Variants in DTWD1 observed in about 807,000 individuals in gnomAD.
DTWD1 encodes the protein DTW motif tRNA-uridine aminocarboxypropyltransferase 1.
In DTWD1, 27 loss-of-function variants were observed where a neutral mutation model predicts 30.2. That is an observed-to-expected ratio of 0.90 (90% CI 0.66 to 1.23). The LOEUF (loss-of-function observed/expected upper bound fraction) is 1.23. Among genes scored for constraint, DTWD1 ranks in the 50% most tolerant of loss-of-function variants. DTWD1 has a pLI of 0.00. For missense variants in DTWD1, 342 were observed against 348.8 expected, an observed-to-expected ratio of 0.98 and a Z score of 0.15; for synonymous variants, 99 against 113.1, an observed-to-expected ratio of 0.88 and a Z score of 0.79.
chr15:49,651,589 CT>C lies in DTWD1; in HGVS notation c.*8012del, dbSNP rs1401272207. ...AAGCAACACAGACAATACTGCACCC[CT>C]GATATAATACCATTCTTCAATATCA... On this transcript the variant is annotated 3_prime_UTR_variant, in exon 5 of 5. Transcript: ENST00000403028. 1.3e-5 allele frequency: 2 copies of C among 152,126 alleles called. No individual in the cohort carries two copies. Among genetic ancestry groups the C allele is most frequent in the Non-Finnish European group, 2.9e-5 (2 of 68,030 alleles). 9.4% of individuals were successfully genotyped at this position (152,126 alleles called of 1,614,324 possible). A position where few individuals can be genotyped will look rare whatever the true frequency, so the allele number is the denominator to read the frequency against.
rs576928029 is a variant in DTWD1, at chr15:49,642,361, G to T, written c.668-970G>T. Among the ~76,000 whole-genome samples the T allele has an allele frequency of 7.2e-5, 11 of 152,274 alleles. No homozygotes were observed. In the East Asian group the frequency reaches 2.1e-3, roughly 29 times the overall value. ...TGAAGACAGCTGAGTTATAACAAAT[G>T]AGAGTACTGTTGTGTGACTGCATTA... On this transcript the variant is annotated intron_variant, in intron 4 of 4. Coordinates refer to ENST00000403028, the MANE Select transcript of DTWD1 (RefSeq NM_001144955.2).
chr15:49,628,754 A>AT (rs879675932), intron 2 of DTWD1, among the ~76,000 whole-genome samples: 241 of 147,554 alleles, frequency 1.6e-3, no homozygotes, highest in African/African-American at 3.4e-3. Flanking sequence ...GGTCAACACT[A>AT]TTTTTTTTTT....
rs2079157252 is a variant in DTWD1 at position 49,652,312 on chromosome 15, A to G, written c.*8734A>G. 6.6e-6 allele frequency: 1 copy of G among 152,178 alleles called. No individual in the cohort carries two copies. 9.4% of individuals were successfully genotyped at this position (152,178 alleles called of 1,614,324 possible). ...GTGTCTGTCTAGGGAGCAGCAGCCA[A>G]TAAAAGGAGTCAAGATCAGTTGACC... is the stretch of plus-strand genomic sequence containing the variant. On this transcript the variant is annotated 3_prime_UTR_variant, in exon 5 of 5. Coordinates refer to ENST00000403028, the MANE Select transcript of DTWD1 (RefSeq NM_001144955.2).
rs2079172677 is a variant in DTWD1 at position 49,655,446 on chromosome 15, G to A, written c.*11868G>A. Reference sequence around the variant, plus strand: ...CTCTATTTTTTTTTCATACTCCCGTGTTTTTTTTAGTCCATGCTGGTGGTA... The same window carrying A: ...CTCTATTTTTTTTTCATACTCCCGTATTTTTTTTAGTCCATGCTGGTGGTA... On this transcript the variant is annotated 3_prime_UTR_variant, in exon 5 of 5. Coordinates refer to ENST00000403028, the MANE Select transcript of DTWD1 (RefSeq NM_001144955.2). 6.6e-6 allele frequency: 1 copy of A among 151,496 alleles called. No homozygotes were observed. The highest frequency in any genetic ancestry group is 6.6e-5 in the Admixed American group (1 of 15,186). 9.4% of individuals were successfully genotyped at this position (151,496 alleles called of 1,614,324 possible).
At position 49,633,073 on chromosome 15, in the gene DTWD1, A is replaced by ATATATATATGT. The variant is rs1555588696; in HGVS notation, c.408+772_408+773insATATATATGTT. Among the ~76,000 whole-genome samples the ATATATATATGT allele has an allele frequency of 8.9e-5, 13 of 145,308 alleles. No homozygotes were observed. The South Asian group carries it at 2.8e-3, about 31-fold the overall frequency. ...TCTATATATATATATATATATATGT[A>ATATATATATGT]TTTTTTTGGTTGAGTTTATATAAAA... On this transcript the variant is annotated intron_variant, in intron 3 of 4. Transcript: ENST00000403028.
chr15:49,641,916 T>C (rs1480142749), intron 4 of DTWD1, among the ~76,000 whole-genome samples: 1 of 152,136 alleles, frequency 6.6e-6, no homozygotes, highest in Non-Finnish European at 1.5e-5. Context: ...CACTGATTTG[T>C]TTATATTTAT....
At chr15:49,626,717 G>T (rs1456363126) in intron 2 of DTWD1, 3 of 433,896 alleles carry the variant, frequency 6.9e-6, no homozygotes, top group Admixed American at 4.9e-5. Flanking sequence ...AGAGTACTTT[G>T]ACACTCATAT....
chr15:49,638,654 G>A (rs1281271199), intron 4 of DTWD1, among the ~76,000 whole-genome samples: 1 of 152,126 alleles, frequency 6.6e-6, no homozygotes, highest in Admixed American at 6.6e-5. Context: ...AACAAACTGA[G>A]TCTATACCTC....
chr15:49,652,944 C>T lies in DTWD1; in HGVS notation c.*9366C>T, dbSNP rs1416675612. ...CTTCCCATGTCTGGTGACTGAAGTC[C>T]AGCTGAATGTAGCTGCCAAAGTTAC... On this transcript the variant is annotated 3_prime_UTR_variant, in exon 5 of 5. Coordinates refer to ENST00000403028, the MANE Select transcript of DTWD1 (RefSeq NM_001144955.2). 6.6e-6 allele frequency: 1 copy of T among 152,100 alleles called. No homozygotes were observed. The highest frequency in any genetic ancestry group is 1.5e-5 in the Non-Finnish European group (1 of 68,020). 9.4% of individuals were successfully genotyped at this position (152,100 alleles called of 1,614,324 possible).
chr15:49,643,574 A>C lies in DTWD1; in HGVS notation c.911A>C (p.His304Pro). 6.3e-7 allele frequency: 1 copy of C among 1,587,450 alleles called. No individual in the cohort carries two copies. The highest frequency in any genetic ancestry group is 8.5e-7 in the Non-Finnish European group (1 of 1,169,830). Residue 304 changes from histidine to proline, a missense_variant, in exon 5 of 5, where the codon CAT becomes CCT. His to Pro is a moderately conservative substitution (Grantham distance 77). Coordinates refer to ENST00000403028, the MANE Select transcript of DTWD1 (RefSeq NM_001144955.2). ...SGDKETGKLT[H>P] is the part of the protein sequence containing the mutation. Reference sequence around the variant, plus strand: ...GATAAGGAAACAGGAAAACTTACACATTAGTTTTTAACAAGCCACTTATGT... The same window carrying C: ...GATAAGGAAACAGGAAAACTTACACCTTAGTTTTTAACAAGCCACTTATGT...
chr15:49,635,656 G>T (rs2078991760), intron 4 of DTWD1, among the ~76,000 whole-genome samples: 1 of 151,110 alleles, frequency 6.6e-6, no homozygotes, highest in Admixed American at 6.6e-5. Context: ...ACCACGCCTG[G>T]CTAATTTTTT....
rs2079162760 is a variant in DTWD1 at position 49,653,288 on chromosome 15, G to A, written c.*9710G>A. The stretch of plus-strand genomic sequence containing the variant: ...AGAGGATGTCAGAATGATGTGAAAT[G>A]AGAAGAACTCAACCTGCTATTGTTG... On this transcript the variant is annotated 3_prime_UTR_variant, in exon 5 of 5. Coordinates refer to ENST00000403028, the MANE Select transcript of DTWD1 (RefSeq NM_001144955.2). 6.6e-6 allele frequency: 1 copy of A among 152,094 alleles called. No homozygotes were observed. The highest frequency in any genetic ancestry group is 1.5e-5 in the Non-Finnish European group (1 of 68,002). 9.4% of individuals were successfully genotyped at this position (152,094 alleles called of 1,614,324 possible).
chr15:49,645,432 C>G lies in DTWD1; in HGVS notation c.*1854C>G, dbSNP rs2079111190. On this transcript the variant is annotated 3_prime_UTR_variant, in exon 5 of 5. Transcript: ENST00000403028. Reference sequence around the variant, plus strand: ...GCTTGAACATTATTAGTCTTACAGTCTTAGCCAAATAAACTAACTGGCTTG... The same window carrying G: ...GCTTGAACATTATTAGTCTTACAGTGTTAGCCAAATAAACTAACTGGCTTG... 1 of 152,100 alleles carries G rather than the reference C, an allele frequency of 6.6e-6. No homozygotes were observed. Among genetic ancestry groups the G allele is most frequent in the Admixed American group, 6.6e-5 (1 of 15,264 alleles). 9.4% of individuals were successfully genotyped at this position (152,100 alleles called of 1,614,324 possible). A position where few individuals can be genotyped will look rare whatever the true frequency, so the allele number is the denominator to read the frequency against.
At chr15:49,641,400 T>C (rs2079063149) in intron 4 of DTWD1, among the ~76,000 whole-genome samples, 1 of 152,132 alleles carries the variant, frequency 6.6e-6, no homozygotes, top group Non-Finnish European at 1.5e-5. Flanking sequence ...GTATGGACTT[T>C]GTATGCTGAA....
Position 49,650,072 on chromosome 15 carries a change from G to A in DTWD1, c.*6494G>A, listed in dbSNP as rs2079144290. 1 of 152,018 alleles carries A rather than the reference G, an allele frequency of 6.6e-6. No individual in the cohort carries two copies. The highest frequency in any genetic ancestry group is 2.1e-4 in the South Asian group (1 of 4,824). 9.4% of individuals were successfully genotyped at this position (152,018 alleles called of 1,614,324 possible). A position where few individuals can be genotyped will look rare whatever the true frequency, so the allele number is the denominator to read the frequency against. Reference sequence around the variant, plus strand: ...GTTTTAATTATAGGGAACAATATGTGTGTGTCTATATATATATATACACAC... The same window carrying A: ...GTTTTAATTATAGGGAACAATATGTATGTGTCTATATATATATATACACAC... On this transcript the variant is annotated 3_prime_UTR_variant, in exon 5 of 5. Coordinates refer to ENST00000403028, the MANE Select transcript of DTWD1 (RefSeq NM_001144955.2).
At chr15:49,636,842 C>G (rs2153353342) in intron 4 of DTWD1, among the ~76,000 whole-genome samples, 1 of 152,288 alleles carries the variant, frequency 6.6e-6, no homozygotes, top group South Asian at 2.1e-4. Context: ...TGCAAATTGT[C>G]TATCATTTGT....
chr15:49,633,062 T>TATATATATATATATAG (rs1555588676), intron 3 of DTWD1, among the ~76,000 whole-genome samples: 1 of 146,502 alleles, frequency 6.8e-6, no homozygotes, highest in South Asian at 2.1e-4. Flanking sequence ...TATATATATA[T>TATATATATATATATAG]ATATATATGT....
At chr15:49,621,551 T>C (rs1415995510) in intron 1 of DTWD1, among the ~76,000 whole-genome samples, 1 of 152,116 alleles carries the variant, frequency 6.6e-6, no homozygotes, top group East Asian at 1.9e-4. Context: ...GCAGTGTATT[T>C]AAAATATTGA....
At chr15:49,632,487 T>G (rs1243930073) in intron 3 of DTWD1, among the ~76,000 whole-genome samples, 185 bp downstream of exon 3, 1 of 152,268 alleles carries the variant, frequency 6.6e-6, no homozygotes, top group Non-Finnish European at 1.5e-5. Flanking sequence ...GTTTCTAGAC[T>G]GCTATGCGTT....
Sources: gnomAD v4.1 joint callset for allele counts (sites outside exome capture counted in the v4.1 genomes callset) on GRCh38, gnomAD v4.1.1 for gene constraint, MANE v1.5 for transcripts, NCBI Gene and HGNC (gene_info 2026-07-23, HGNC 2026-07-21) for gene names.